ZNF398: variants seen among roughly 807,000 people sequenced by gnomAD.
ZNF398 encodes zinc finger DNA binding protein ZER6.
In ZNF398, 18 loss-of-function variants were observed where a neutral mutation model predicts 41.9. The ratio of observed to expected loss-of-function variants is 0.43; its 90% CI spans 0.30 to 0.64. ZNF398 has a LOEUF of 0.64. ZNF398 is among the 30% of genes least tolerant of loss of function. ZNF398 has a pLI of 0.14. For synonymous variants in ZNF398, 260 were observed against 308.8 expected, an observed-to-expected ratio of 0.84 and a Z score of 1.66; for missense variants, 669 against 822.8, an observed-to-expected ratio of 0.81 and a Z score of 2.29.
rs140924371 is a variant in ZNF398 at position 149,178,648 on chromosome 7, A to G, written c.776A>G (p.Asp259Gly). 224 of 1,611,604 alleles carry G rather than the reference A, an allele frequency of 1.4e-4. No homozygotes were observed. Among genetic ancestry groups the G allele is most frequent in the Middle Eastern group, 1.7e-4 (1 of 6,036 alleles). ...ESDVYKSTYA[D>G]EELVIKAEGL... ...ATAACTCTGGAGTCTTTTCTTTCAGATGAAGAGCTTGTCATCAAAGCTGAA... is the reference window on the plus strand; with the variant it reads ...ATAACTCTGGAGTCTTTTCTTTCAGGTGAAGAGCTTGTCATCAAAGCTGAA... Residue 259 changes from aspartate to glycine, a missense_variant and splice_region_variant, in exon 6 of 6, where the codon GAT (aspartate) becomes GGT (glycine). Transcript: ENST00000475153.
At chr7:149,166,976 C>A in intron 4 of ZNF398, 46 bp downstream of exon 4, 1 of 1,403,380 alleles carries the variant, frequency 7.1e-7, no homozygotes, top group South Asian at 1.2e-5. Context: ...CTTTCCTGGT[C>A]AGACATGGTG....
Position 149,165,956 on chromosome 7 carries a change from G to A in ZNF398, c.421-202G>A, listed in dbSNP as rs3735310. 1.2e-3 allele frequency among the ~76,000 whole-genome samples: 183 copies of A among 152,302 alleles called. No homozygotes were observed. In the East Asian group the frequency reaches 0.03, roughly 25 times the overall value. On this transcript the variant is annotated intron_variant, in intron 2 of 5. Transcript: ENST00000475153. ...GGTACCAGCTTTATTTAAGGGACTC[G>A]TGCTGTATTGCATGAGTACTAGGAT...
chr7:149,159,578 G>T (rs1168671475), intron 2 of ZNF398, among the ~76,000 whole-genome samples: 1 of 152,096 alleles, frequency 6.6e-6, no homozygotes, highest in Middle Eastern at 3.4e-3. Context: ...AACCCGGGAG[G>T]TGGAGGTTGC....
In ZNF398 at chr7:149,181,263, G is replaced by A. The variant is rs1453481110; in HGVS notation, c.*1462G>A. 6.6e-6 allele frequency: 1 copy of A among 152,458 alleles called. No homozygotes were observed. Among genetic ancestry groups the A allele is most frequent in the African/African-American group, 2.4e-5 (1 of 41,448 alleles). 9.4% of individuals were successfully genotyped at this position (152,458 alleles called of 1,614,324 possible). ...CTTCTGTCCAGGCAAAGCTAAATAA[G>A]ACAGCAAAGTCAAAGCAGATAAATT... On this transcript the variant is annotated 3_prime_UTR_variant, in exon 6 of 6. Coordinates refer to ENST00000475153, the MANE Select transcript of ZNF398 (RefSeq NM_170686.3).
At chr7:149,157,266 G>C (rs71532764) in intron 2 of ZNF398, among the ~76,000 whole-genome samples, 11,360 of 152,238 alleles carry the variant, frequency 0.075, 469 homozygotes, top group Middle Eastern at 0.092. Context: ...GGGGCACGGT[G>C]GCTAATGCCT....
In ZNF398 at chr7:149,179,020, C is replaced by T. The variant is rs746061628; in HGVS notation, c.1148C>T (p.Ala383Val). Residue 383 changes from alanine to valine, a missense_variant, in exon 6 of 6, where the codon GCG (alanine) becomes GTG (valine). Physicochemically the swap from Ala to Val is moderately conservative, Grantham distance 64. This residue lies in a region of ZNF398 where 290 missense variants were observed against 292.9 expected (regional missense o/e 0.99). Transcript: ENST00000475153. The surrounding 1 kb of genome is among the most constrained non-coding windows in gnomAD (Gnocchi z 6.1). ...AQCPKHFTPQ[A>V]DLSSTSQDHA... ...TGCCCTAAGCACTTTACTCCACAGG[C>T]GGACCTCAGCAGCACCTCCCAGGAC... 9 of 1,613,880 alleles carry T rather than the reference C, an allele frequency of 5.6e-6. No homozygotes were observed. The highest frequency in any genetic ancestry group is 4.5e-5 in the East Asian group (2 of 44,864).
intron 1 of ZNF398, chr7:149,148,250 G>T (rs899338673): frequency 5.9e-6 from 1 of 169,724 alleles, no homozygotes. Context: ...CGGGACACGC[G>T]GGAGGCCCTC....
intron 5 of ZNF398, among the ~76,000 whole-genome samples, chr7:149,177,144 CTG>C (rs970165092): frequency 2.4e-4 from 36 of 151,880 alleles, no homozygotes; most frequent in African/African-American, 8.2e-4. Flanking sequence ...TTTCTGTGCT[CTG>C]TGTTCTTTTA....
chr7:149,153,155 G>C (rs111444180), intron 1 of ZNF398, among the ~76,000 whole-genome samples: 3,559 of 152,112 alleles, frequency 0.023, 56 homozygotes, highest in Admixed American at 0.035. Flanking sequence ...CACCGCACCG[G>C]CAAGAATTTC....
intron 1 of ZNF398, chr7:149,148,464 G>T: frequency 1.0e-6 from 1 of 985,548 alleles, no homozygotes; most frequent in Non-Finnish European, 1.2e-6. Context: ...AGCACTGATC[G>T]CATTTGCCAC....
chr7:149,130,183 C>A (rs530448577), intron 2 of ZNF398, among the ~76,000 whole-genome samples: 2 of 152,162 alleles, frequency 1.3e-5, no homozygotes, highest in Admixed American at 1.3e-4. Context: ...GCAACCTCCA[C>A]CTCTGGGGTT....
intron 4 of ZNF398, among the ~76,000 whole-genome samples, chr7:149,173,323 T>C (rs569799485): frequency 1.4e-4 from 21 of 151,792 alleles, no homozygotes; most frequent in Non-Finnish European, 4.4e-5. Flanking sequence ...GCCAGGTTGA[T>C]CTCGAACTCC....
At chr7:149,162,544 G>T (rs1322017933) in intron 2 of ZNF398, among the ~76,000 whole-genome samples, 1 of 151,972 alleles carries the variant, frequency 6.6e-6, no homozygotes, top group Admixed American at 6.6e-5. Flanking sequence ...TGTCCAGGCT[G>T]GTTTCGAACT....
chr7:149,126,506 G>C (rs1188548275), exon 1 of ZNF398: 1 of 513,122 alleles, frequency 1.9e-6, no homozygotes, highest in Non-Finnish European at 3.4e-6. Flanking sequence ...ATCTGCATGC[G>C]AGGGATGCGG....
chr7:149,171,842 A>AT (rs1037639204), intron 4 of ZNF398, among the ~76,000 whole-genome samples: 7 of 151,504 alleles, frequency 4.6e-5, no homozygotes, highest in Non-Finnish European at 8.8e-5. Flanking sequence ...TAATTTTTTT[A>AT]TTTTTTTATA....
At chr7:149,142,463 C>T (rs555462476), upstream of ZNF398, among the ~76,000 whole-genome samples, 123 of 152,186 alleles carry the variant, frequency 8.1e-4, no homozygotes, top group African/African-American at 2.5e-3. Context: ...GTCAGGAGAT[C>T]GAGACCATCC....
chr7:149,155,851 T>C (rs1336696566), intron 2 of ZNF398, among the ~76,000 whole-genome samples: 1 of 151,082 alleles, frequency 6.6e-6, no homozygotes, highest in Non-Finnish European at 1.5e-5. Flanking sequence ...CTCAGCCTCC[T>C]GAGTAGCTGG....
intron 2 of ZNF398, among the ~76,000 whole-genome samples, chr7:149,156,565 A>ACAGTAATT (rs1794985175): frequency 6.6e-6 from 1 of 150,804 alleles, no homozygotes; most frequent in South Asian, 2.1e-4. Context: ...GGCATTAAGA[A>ACAGTAATT]CAGTAATTGT....
At chr7:149,160,921 A>C (rs1326888560) in intron 2 of ZNF398, among the ~76,000 whole-genome samples, 1 of 151,814 alleles carries the variant, frequency 6.6e-6, no homozygotes, top group Non-Finnish European at 1.5e-5. Context: ...TTTTAGACTG[A>C]GGGGGCTAGA....
Sources: gnomAD v4.1 joint callset for allele counts (sites outside exome capture counted in the v4.1 genomes callset) on GRCh38, gnomAD v4.1.1 for gene constraint, gnomAD v4.1.1 regional missense constraint, Gnocchi (gnomAD v3.1) non-coding constraint, MANE v1.5 for transcripts, NCBI Gene and HGNC (gene_info 2026-07-23, HGNC 2026-07-21) for gene names.